The following CADPS2 variants were observed in gnomAD, a reference collection of about 807,000 sequenced individuals.
CADPS2 encodes the protein calcium-dependent secretion activator 2.
In CADPS2, 93 loss-of-function variants were observed where a neutral mutation model predicts 172.5. That is an observed-to-expected ratio of 0.54 (90% CI 0.46 to 0.64). The LOEUF is 0.64. Ranked by LOEUF, CADPS2 falls within the 30% of genes least tolerant of loss-of-function variation. The pLI is 0.00. For synonymous variants in CADPS2, 546 were observed against 555.2 expected, an observed-to-expected ratio of 0.98 and a Z score of 0.23; for missense variants, 1,420 against 1,565.9, an observed-to-expected ratio of 0.91 and a Z score of 1.57.
chr7:122,743,762 G>C (rs2092602876), intron 1 of CADPS2, among the ~76,000 whole-genome samples: 1 of 152,194 alleles, frequency 6.6e-6, no homozygotes, highest in South Asian at 2.1e-4. Flanking sequence ...TAAAGGATCA[G>C]TACTATTTTC....
chr7:122,762,243 T>C (rs1190008923), intron 1 of CADPS2, among the ~76,000 whole-genome samples: 1 of 151,590 alleles, frequency 6.6e-6, no homozygotes. Flanking sequence ...AAGGGATAAA[T>C]AAATCAGAGA....
chr7:122,523,237 A>G (rs2060952521), intron 8 of CADPS2, among the ~76,000 whole-genome samples: 1 of 152,176 alleles, frequency 6.6e-6, no homozygotes, highest in Admixed American at 6.6e-5. Context: ...GCATTTTACA[A>G]TTGATCATTA....
intron 1 of CADPS2, among the ~76,000 whole-genome samples, chr7:122,867,808 C>T (rs887568958): frequency 2.0e-5 from 3 of 152,124 alleles, no homozygotes; most frequent in African/African-American, 2.4e-5. Flanking sequence ...AGATGGGAGG[C>T]CTCTGCCAAC....
chr7:122,643,915 AC>A (rs2077989339), intron 3 of CADPS2, among the ~76,000 whole-genome samples: 2 of 151,968 alleles, frequency 1.3e-5, no homozygotes, highest in Admixed American at 6.6e-5. Context: ...ACATGGCAAA[AC>A]CCCTCTCTAC....
rs1267687603 is a variant in CADPS2, at chr7:122,348,510, A to G, written c.3505-2829T>C. On this transcript the variant is annotated intron_variant, in intron 27 of 29. Coordinates refer to ENST00000449022, the MANE Select transcript of CADPS2 (RefSeq NM_017954.11). ...TACACTTGATTGTTGTAAAAAATCA[A>G]GTGTTTCCTTTTTTTAAAAAAATTG... is the stretch of plus-strand genomic sequence containing the variant. 2.6e-5 allele frequency among the ~76,000 whole-genome samples: 4 copies of G among 152,218 alleles called. No individual in the cohort carries two copies. In the South Asian group the frequency reaches 6.2e-4, roughly 24 times the overall value.
intron 2 of CADPS2, among the ~76,000 whole-genome samples, chr7:122,727,667 T>C (rs928022759): frequency 6.6e-6 from 1 of 151,880 alleles, no homozygotes; most frequent in African/African-American, 2.4e-5. Flanking sequence ...CTACAATCCA[T>C]GCATTATCCA....
At chr7:122,356,878 T>C (rs1171893021) in intron 27 of CADPS2, among the ~76,000 whole-genome samples, 1 of 152,118 alleles carries the variant, frequency 6.6e-6, no homozygotes, top group African/African-American at 2.4e-5. Context: ...CACGTTCATC[T>C]TGTATATTTT....
chr7:122,846,017 G>A (rs1172910131), intron 1 of CADPS2, among the ~76,000 whole-genome samples: 1 of 152,136 alleles, frequency 6.6e-6, no homozygotes, highest in Non-Finnish European at 1.5e-5. Context: ...AAAAATTAAG[G>A]AGTAAGAAAA....
At chr7:122,836,533 A>C (rs1451841200) in intron 1 of CADPS2, among the ~76,000 whole-genome samples, 2 of 152,158 alleles carry the variant, frequency 1.3e-5, no homozygotes, top group South Asian at 2.1e-4. Flanking sequence ...TTCAGGAGAC[A>C]CATCTCACGT....
intron 14 of CADPS2, among the ~76,000 whole-genome samples, chr7:122,458,868 G>A (rs1046118299): frequency 2.6e-5 from 4 of 151,976 alleles, no homozygotes; most frequent in African/African-American, 4.8e-5. Flanking sequence ...AATACCAAGA[G>A]CAATTTAAAA....
intron 1 of CADPS2, among the ~76,000 whole-genome samples, chr7:122,795,450 T>C (rs10265082): frequency 0.012 from 1,878 of 151,962 alleles, 41 homozygotes; most frequent in African/African-American, 0.043. Context: ...AGCTCTAAAA[T>C]TGAATCCTTA....
chr7:122,676,078 C>G (rs1186769626), intron 2 of CADPS2, among the ~76,000 whole-genome samples: 2 of 152,002 alleles, frequency 1.3e-5, no homozygotes, highest in Non-Finnish European at 2.9e-5. Flanking sequence ...CCAAAGGAAA[C>G]AAACTTAAGG....
intron 27 of CADPS2, among the ~76,000 whole-genome samples, chr7:122,347,039 G>C (rs181205342): frequency 2.0e-4 from 30 of 152,272 alleles, no homozygotes; most frequent in Admixed American, 1.8e-3. Context: ...TCGACCTAAT[G>C]ATAGGTAGGT....
intron 7 of CADPS2, among the ~76,000 whole-genome samples, chr7:122,559,128 T>C (rs1356800759): frequency 2.0e-5 from 3 of 152,012 alleles, no homozygotes; most frequent in Non-Finnish European, 2.9e-5. Context: ...CTTGAAAAAA[T>C]CATGACAGCT....
chr7:122,348,362 G>A (rs1360667777), intron 27 of CADPS2, among the ~76,000 whole-genome samples: 1 of 152,124 alleles, frequency 6.6e-6, no homozygotes, highest in Admixed American at 6.5e-5. Context: ...ACACTTTACA[G>A]TTTAAGCCTG....
chr7:122,386,163 C>T (rs1005015790), intron 24 of CADPS2: 10 of 580,868 alleles, frequency 1.7e-5, no homozygotes, highest in African/African-American at 7.8e-5. Context: ...CTTATATATG[C>T]GAACACAGAA....
At chr7:122,689,571 T>A (rs990890170) in intron 2 of CADPS2, among the ~76,000 whole-genome samples, 3 of 152,134 alleles carry the variant, frequency 2.0e-5, no homozygotes, top group Admixed American at 6.5e-5. Context: ...CCTCTAGTCA[T>A]GTAGGTGACC....
intron 8 of CADPS2, among the ~76,000 whole-genome samples, chr7:122,532,301 C>A (rs928012122): frequency 6.6e-6 from 1 of 152,116 alleles, no homozygotes; most frequent in African/African-American, 2.4e-5. Context: ...AGTCTTCAGG[C>A]TCATCTATTT....
At chr7:122,857,189 T>C (rs747773343) in intron 1 of CADPS2, among the ~76,000 whole-genome samples, 68 of 152,286 alleles carry the variant, frequency 4.5e-4, no homozygotes, top group Non-Finnish European at 8.7e-4. Flanking sequence ...AAAATAGGCA[T>C]GGAAACGATA....
Sources: gnomAD v4.1 joint callset for allele counts (sites outside exome capture counted in the v4.1 genomes callset) on GRCh38, gnomAD v4.1.1 for gene constraint, MANE v1.5 for transcripts, NCBI Gene and HGNC (gene_info 2026-07-23, HGNC 2026-07-21) for gene names.